The following GPR39 variants were observed in gnomAD, a reference collection of about 807,000 sequenced individuals.
GPR39 encodes the protein G protein-coupled receptor 39, also known as zinc sensing receptor.
A neutral mutation model predicts 18.4 loss-of-function variants in GPR39; 23 were observed. The ratio of observed to expected loss-of-function variants is 1.25; its 90% CI spans 0.90 to 1.77. GPR39 has a LOEUF of 1.77. GPR39 is among the 40% of genes most tolerant of loss of function. The pLI, the probability that GPR39 is intolerant of heterozygous loss-of-function variation, is 0.00. For synonymous variants in GPR39, 280 were observed against 257.9 expected, an observed-to-expected ratio of 1.09 and a Z score of -0.82; for missense variants, 647 against 602.4, an observed-to-expected ratio of 1.07 and a Z score of -0.78.
At chr2:132,479,156 A>G (rs1404023478) in intron 1 of GPR39, among the ~76,000 whole-genome samples, 3 of 152,178 alleles carry the variant, frequency 2.0e-5, no homozygotes, top group Non-Finnish European at 4.4e-5. Flanking sequence ...TTTAATGACT[A>G]TTTATTAAAG....
At chr2:132,515,079 C>T (rs1435103264) in intron 1 of GPR39, among the ~76,000 whole-genome samples, 2 of 152,188 alleles carry the variant, frequency 1.3e-5, no homozygotes, top group Non-Finnish European at 2.9e-5. Context: ...GACCATTGTC[C>T]CCACCCAGAT....
At chr2:132,631,262 A>C (rs1477971465) in intron 1 of GPR39, among the ~76,000 whole-genome samples, 1 of 152,228 alleles carries the variant, frequency 6.6e-6, no homozygotes, top group Non-Finnish European at 1.5e-5. Context: ...TGCATCTCCG[A>C]CATTTACTGC....
At chr2:132,486,354 G>A (rs148730641) in intron 1 of GPR39, among the ~76,000 whole-genome samples, 86 of 152,300 alleles carry the variant, frequency 5.6e-4, no homozygotes, top group African/African-American at 1.7e-3. Context: ...GCATTAGCCC[G>A]TAACAAGACA....
chr2:132,604,027 C>G (rs923025760), intron 1 of GPR39, among the ~76,000 whole-genome samples: 2 of 152,112 alleles, frequency 1.3e-5, no homozygotes, highest in African/African-American at 4.8e-5. Context: ...CATAAATATA[C>G]TTCACAACCC....
intron 1 of GPR39, among the ~76,000 whole-genome samples, chr2:132,479,698 A>G (rs1363984493): frequency 6.6e-6 from 1 of 152,226 alleles, no homozygotes; most frequent in Non-Finnish European, 1.5e-5. Context: ...AAACCAGAAA[A>G]TAGCAAGTGT....
chr2:132,575,172 T>C (rs1168984868), intron 1 of GPR39, among the ~76,000 whole-genome samples: 1 of 152,240 alleles, frequency 6.6e-6, no homozygotes, highest in Non-Finnish European at 1.5e-5. Flanking sequence ...TGGTATTCTA[T>C]TGTATGGTTT....
intron 1 of GPR39, among the ~76,000 whole-genome samples, chr2:132,606,591 T>G (rs1045186140): frequency 6.6e-6 from 1 of 152,248 alleles, no homozygotes; most frequent in Non-Finnish European, 1.5e-5. Flanking sequence ...TACAGTGTGC[T>G]CCTTCAGCTT....
intron 1 of GPR39, among the ~76,000 whole-genome samples, chr2:132,487,053 AT>A (rs1171458138): frequency 6.6e-6 from 1 of 152,126 alleles, no homozygotes; most frequent in African/African-American, 2.4e-5. Context: ...TTTTAGTATC[AT>A]TGTGTCTCAG....
At chr2:132,560,800 A>G (rs147987084) in intron 1 of GPR39, among the ~76,000 whole-genome samples, 313 of 150,836 alleles carry the variant, frequency 2.1e-3, no homozygotes, top group Non-Finnish European at 3.6e-3. Flanking sequence ...GAAGTGAGCC[A>G]CTCTTTCTAT....
chr2:132,645,332 T>G lies in GPR39; in HGVS notation c.1088T>G (p.Leu363Arg). 6.2e-7 allele frequency: 1 copy of G among 1,614,178 alleles called. No homozygotes were observed. Among genetic ancestry groups the G allele is most frequent in the African/African-American group, 1.3e-5 (1 of 75,062 alleles). The change falls in exon 2 of 2, where the codon CTG becomes CGG. Residue 363 changes from leucine to arginine, a missense_variant. Coordinates refer to ENST00000329321, the MANE Select transcript of GPR39 (RefSeq NM_001508.3). ...RVFVQVLCCRLSLQHANHEKR... is the reference protein window; with the variant it reads ...RVFVQVLCCRRSLQHANHEKR... Reference sequence around the variant, plus strand: ...TTCGTGCAGGTGCTGTGCTGCCGCCTGTCGCTGCAGCACGCCAACCACGAG... The same window carrying G: ...TTCGTGCAGGTGCTGTGCTGCCGCCGGTCGCTGCAGCACGCCAACCACGAG...
intron 1 of GPR39, among the ~76,000 whole-genome samples, chr2:132,553,900 G>A (rs1680099484): frequency 6.6e-6 from 1 of 152,006 alleles, no homozygotes; most frequent in Non-Finnish European, 1.5e-5. Flanking sequence ...GGTGGTCCCT[G>A]ATGGCAGTGC....
intron 1 of GPR39, among the ~76,000 whole-genome samples, chr2:132,622,623 C>T (rs747768041): frequency 2.0e-5 from 3 of 152,102 alleles, no homozygotes; most frequent in Non-Finnish European, 2.9e-5. Context: ...CTGGATACCG[C>T]GAAGCAGAAG....
At chr2:132,432,842 C>CATT in intron 1 of GPR39, among the ~76,000 whole-genome samples, 1 of 152,258 alleles carries the variant, frequency 6.6e-6, no homozygotes, top group East Asian at 1.9e-4. Flanking sequence ...ATCATCTCTG[C>CATT]ATTAGACATA....
chr2:132,565,870 T>C (rs1294867793), intron 1 of GPR39, among the ~76,000 whole-genome samples: 1 of 151,380 alleles, frequency 6.6e-6, no homozygotes, highest in South Asian at 2.1e-4. Context: ...TACATGTGCA[T>C]GTGTCTTCAT....
intron 1 of GPR39, among the ~76,000 whole-genome samples, chr2:132,471,974 G>A (rs1032827125): frequency 2.0e-5 from 3 of 152,128 alleles, no homozygotes; most frequent in Admixed American, 6.6e-5. Flanking sequence ...TGTGGAAGGG[G>A]CTCAATATAA....
chr2:132,517,458 C>T (rs1679353597), intron 1 of GPR39, among the ~76,000 whole-genome samples: 1 of 152,000 alleles, frequency 6.6e-6, no homozygotes, highest in African/African-American at 2.4e-5. Flanking sequence ...TATCTAGTGC[C>T]CTGTGAAGCA....
chr2:132,491,402 C>A (rs1452920988), intron 1 of GPR39, among the ~76,000 whole-genome samples: 1 of 152,012 alleles, frequency 6.6e-6, no homozygotes, highest in Non-Finnish European at 1.5e-5. Flanking sequence ...TTTAACTTTT[C>A]ATTTGTACAT....
intron 1 of GPR39, among the ~76,000 whole-genome samples, chr2:132,552,887 CACACATATATATAT>C (rs1558836953): frequency 8.1e-5 from 8 of 99,070 alleles, no homozygotes; most frequent in African/African-American, 3.4e-4. Context: ...TATATATATA[CACACATATATATAT>C]ACACACACAT....
chr2:132,592,605 GA>G (rs1447347308), intron 1 of GPR39, among the ~76,000 whole-genome samples: 2 of 152,184 alleles, frequency 1.3e-5, no homozygotes, highest in East Asian at 3.8e-4. Flanking sequence ...CTGAGCCTTT[GA>G]AAGGATCACT....
Sources: allele counts gnomAD v4.1 joint callset (sites outside exome capture counted in the v4.1 genomes callset), GRCh38; gene constraint gnomAD v4.1.1; transcripts MANE v1.5; gene names NCBI Gene and HGNC (gene_info 2026-07-23, HGNC 2026-07-21).